The following SUPT3H variants were observed in gnomAD, a reference collection of about 807,000 sequenced individuals.
SUPT3H encodes SPT3 homolog, SAGA and STAGA complex component.
Under a neutral mutation model 44.3 loss-of-function variants are expected in SUPT3H, and 44 were observed. That is an observed-to-expected ratio of 0.99 (90% CI 0.78 to 1.28). The LOEUF is 1.28. SUPT3H is among the 50% of genes most tolerant of loss of function. The pLI is 0.00. For missense variants in SUPT3H, 380 were observed against 387.1 expected (o/e 0.98, Z 0.15); for synonymous variants, 124 against 125.6 (o/e 0.99, Z 0.09).
chr6:45,189,190 T>C (rs1227775115), intron 2 of SUPT3H, among the ~76,000 whole-genome samples: 4 of 152,190 alleles, frequency 2.6e-5, no homozygotes, highest in African/African-American at 7.2e-5. Context: ...TAAAATTATA[T>C]TGGGCAAAAG....
At chr6:45,282,820 A>C (rs879732176) in intron 2 of SUPT3H, among the ~76,000 whole-genome samples, 4 of 152,216 alleles carry the variant, frequency 2.6e-5, no homozygotes, top group Non-Finnish European at 5.9e-5. Context: ...AAATAATGTT[A>C]AGGGCAGCCA....
chr6:45,282,965 A>G (rs1159334576), intron 2 of SUPT3H, among the ~76,000 whole-genome samples: 1 of 152,176 alleles, frequency 6.6e-6, no homozygotes, highest in Non-Finnish European at 1.5e-5. Flanking sequence ...TTAACCCAGA[A>G]TTTCATATCC....
intron 10 of SUPT3H, among the ~76,000 whole-genome samples, chr6:44,881,077 T>C (rs1439281273): frequency 1.3e-5 from 2 of 152,096 alleles, no homozygotes; most frequent in Non-Finnish European, 2.9e-5. Context: ...ACAGGCTAAA[T>C]GCCCCAATTA....
chr6:45,226,767 G>A (rs1046593316), intron 2 of SUPT3H, among the ~76,000 whole-genome samples: 1 of 152,082 alleles, frequency 6.6e-6, no homozygotes, highest in African/African-American at 2.4e-5. Context: ...CTGACCTCAT[G>A]ATCCGCCCGC....
intron 2 of SUPT3H, among the ~76,000 whole-genome samples, chr6:45,116,113 A>G (rs958624956): frequency 1.3e-5 from 2 of 152,144 alleles, no homozygotes; most frequent in Non-Finnish European, 2.9e-5. Flanking sequence ...AGAAGAAATA[A>G]ATCAAGTTTT....
chr6:44,939,893 T>C (rs1582633129), intron 9 of SUPT3H, among the ~76,000 whole-genome samples: 1 of 17,064 alleles, frequency 5.9e-5, no homozygotes, highest in East Asian at 3.3e-3. Context: ...GTGGTATCAG[T>C]TGTAATATCT....
chr6:45,020,180 G>A (rs1429406981), intron 4 of SUPT3H, among the ~76,000 whole-genome samples: 53 of 151,726 alleles, frequency 3.5e-4, no homozygotes, highest in Admixed American at 2.3e-3. Context: ...CTATAATCCT[G>A]GTAATGTTAA....
chr6:45,328,218 A>C (rs761278947), intron 2 of SUPT3H: 35 of 1,209,410 alleles, frequency 2.9e-5, no homozygotes, highest in Non-Finnish European at 3.8e-5. Context: ...GTCCCACTTT[A>C]CTTAAGAGTA....
chr6:44,888,465 G>A (rs1236932827), intron 10 of SUPT3H, among the ~76,000 whole-genome samples: 7 of 152,104 alleles, frequency 4.6e-5, no homozygotes, highest in South Asian at 2.1e-4. Context: ...TTCAACATAC[G>A]CAAATCAATA....
chr6:44,867,107 A>G (rs1287311178), intron 10 of SUPT3H, among the ~76,000 whole-genome samples: 4 of 152,198 alleles, frequency 2.6e-5, no homozygotes, highest in Non-Finnish European at 1.5e-5. Context: ...ACGAATAATT[A>G]AATCTTTAAA....
At chr6:44,865,934 G>A (rs1007832655) in intron 10 of SUPT3H, among the ~76,000 whole-genome samples, 1 of 152,202 alleles carries the variant, frequency 6.6e-6, no homozygotes, top group African/African-American at 2.4e-5. Context: ...AATACAGACA[G>A]GAAGCAGAAA....
intron 2 of SUPT3H, among the ~76,000 whole-genome samples, chr6:45,355,797 G>C (rs1391727487): frequency 6.6e-6 from 1 of 152,050 alleles, no homozygotes; most frequent in African/African-American, 2.4e-5. Context: ...CTTAGAAATG[G>C]GTTGTATTCC....
chr6:45,014,916 A>G (rs759595039), intron 4 of SUPT3H, 25 bp from the exon 5 acceptor site: 150 of 1,388,666 alleles, frequency 1.1e-4, no homozygotes, highest in Non-Finnish European at 1.4e-4. Context: ...AAATAAGTAA[A>G]TAAGAAAACC....
chr6:45,349,995 T>C (rs1208460895), intron 2 of SUPT3H, among the ~76,000 whole-genome samples: 2 of 152,118 alleles, frequency 1.3e-5, no homozygotes, highest in African/African-American at 4.8e-5. Context: ...GGAAAAAAAA[T>C]TACTAGAGCC....
At chr6:45,373,378 C>T (rs1191215397) in intron 1 of SUPT3H, among the ~76,000 whole-genome samples, 3 of 152,104 alleles carry the variant, frequency 2.0e-5, no homozygotes, top group South Asian at 4.1e-4. Flanking sequence ...ATTAGTATAA[C>T]CTATTAGGTG....
intron 10 of SUPT3H, among the ~76,000 whole-genome samples, chr6:44,913,038 C>G (rs1254087546): frequency 6.6e-6 from 1 of 152,156 alleles, no homozygotes; most frequent in Non-Finnish European, 1.5e-5. Context: ...AAACTGATTT[C>G]CCTGGCCAGT....
intron 9 of SUPT3H, among the ~76,000 whole-genome samples, chr6:44,949,244 G>A (rs972010971): frequency 2.6e-5 from 4 of 151,960 alleles, no homozygotes; most frequent in Non-Finnish European, 5.9e-5. Context: ...CCGTTGTGGG[G>A]TGGGGGGAAT....
intron 2 of SUPT3H, among the ~76,000 whole-genome samples, chr6:45,347,154 T>G (rs961484348): frequency 2.0e-5 from 3 of 152,178 alleles, no homozygotes; most frequent in African/African-American, 7.2e-5. Context: ...TTTACATGTA[T>G]CATATTAAGA....
At chr6:45,155,964 G>A (rs1447061632) in intron 2 of SUPT3H, among the ~76,000 whole-genome samples, 3 of 152,028 alleles carry the variant, frequency 2.0e-5, no homozygotes, top group East Asian at 3.9e-4. Context: ...TTCATCTAAC[G>A]TTCAAATTCA....
Sources: gnomAD v4.1 joint callset for allele counts (sites outside exome capture counted in the v4.1 genomes callset) on GRCh38, gnomAD v4.1.1 for gene constraint, MANE v1.5 for transcripts, NCBI Gene and HGNC (gene_info 2026-07-23, HGNC 2026-07-21) for gene names.